The following TRIO variants were observed in gnomAD, a reference collection of about 807,000 sequenced individuals.
TRIO encodes the protein trio Rho guanine nucleotide exchange factor, also known as triple functional domain protein.
A neutral mutation model predicts 351.9 loss-of-function variants in TRIO; 58 were observed. That is an observed-to-expected ratio of 0.16 (90% CI 0.13 to 0.21). TRIO has a LOEUF of 0.21. Among genes scored for constraint, TRIO ranks in the 10% least tolerant of loss-of-function variants. The probability of loss-of-function intolerance (pLI) is 1.00; values close to 1 mark genes in which losing one functional copy is unlikely to be tolerated. For synonymous variants in TRIO, 1,758 were observed against 1,595.7 expected (o/e 1.10, Z -2.42); for missense variants, 3,201 against 4,027.8 (o/e 0.79, Z 5.56).
chr5:14,275,866 G>GTATATA lies in TRIO; in HGVS notation c.233-4444_233-4439dup, dbSNP rs56388390. Among the ~76,000 whole-genome samples the GTATATA allele has an allele frequency of 9.8e-3, 1,407 of 143,910 alleles. 11 individuals carry two copies. The highest frequency in any genetic ancestry group is 0.031 in the East Asian group (153 of 4,940). 94.4% of individuals were successfully genotyped at this position (143,910 alleles called of 152,430 possible). ...AAAACACAACTCTGTCTCTATGTGTGTATATATATATATATATGTTTATAT... is the reference window on the plus strand; with the variant it reads ...AAAACACAACTCTGTCTCTATGTGTGTATATATATATATATATATATATGTTTATAT... On this transcript the variant is annotated intron_variant, in intron 2 of 56. Transcript: ENST00000344204.
chr5:14,173,434 A>G (rs1376879566), intron 1 of TRIO, among the ~76,000 whole-genome samples: 3 of 151,508 alleles, frequency 2.0e-5, no homozygotes, highest in Non-Finnish European at 4.4e-5. Context: ...CTCGTCTCCA[A>G]CTCCTGACCT....
At chr5:14,190,844 C>T (rs1790412700) in intron 1 of TRIO, among the ~76,000 whole-genome samples, 1 of 152,148 alleles carries the variant, frequency 6.6e-6, no homozygotes, top group Non-Finnish European at 1.5e-5. Flanking sequence ...CACACACACC[C>T]CTTCATCTGA....
At chr5:14,473,161 G>A (rs372696973) in intron 39 of TRIO, among the ~76,000 whole-genome samples, 2 of 152,190 alleles carry the variant, frequency 1.3e-5, no homozygotes, top group East Asian at 3.8e-4. Context: ...TTGACCAGAA[G>A]TTGCCAAGCA....
Position 14,472,649 on chromosome 5 carries a change from T to C in TRIO, c.5970T>C (p.Tyr1990=), listed in dbSNP as rs1004818156. 2 of 1,613,888 alleles carry C rather than the reference T, an allele frequency of 1.2e-6. No individual in the cohort carries two copies. The highest frequency in any genetic ancestry group is 2.2e-5 in the East Asian group (1 of 44,896). ...TERDYVRDLG[Y]VVEGYMALMK... ...GTGACTATGTGCGGGACCTTGGCTA[T>C]GTGGTTGAGGTGTGTATTGCCAGAA... Residue 1990 remains tyrosine (Y), a synonymous_variant, in exon 39 of 57, where the codon TAT becomes TAC. Transcript: ENST00000344204.
At chr5:14,224,403 A>T (rs2152212780) in intron 1 of TRIO, among the ~76,000 whole-genome samples, 1 of 152,232 alleles carries the variant, frequency 6.6e-6, no homozygotes, top group South Asian at 2.1e-4. Flanking sequence ...AGCTGAGAAG[A>T]TGTAGTTAAG....
chr5:14,304,558 G>T lies in TRIO; in HGVS notation c.1466G>T (p.Gly489Val). 6.2e-7 allele frequency: 1 copy of T among 1,613,964 alleles called. No individual in the cohort carries two copies. Among genetic ancestry groups the T allele is most frequent in the Non-Finnish European group, 8.5e-7 (1 of 1,179,976 alleles). Residue 489 changes from glycine (G) to valine (V), a missense_variant, in exon 8 of 57, where the codon GGA becomes GTA. This residue lies in a region of TRIO where 349 missense variants were observed against 449.3 expected (regional missense o/e 0.78). Coordinates refer to ENST00000344204, the MANE Select transcript of TRIO (RefSeq NM_007118.4). ...GAAGATGCCATTCATCACCACCAGG[G>T]AATATATGAACATATCACTCTTGCT... is the stretch of plus-strand genomic sequence containing the variant. Reference protein sequence around the residue: ...DLEDAIHHHQGIYEHITLAYS... With the variant: ...DLEDAIHHHQVIYEHITLAYS...
chr5:14,344,784 C>G (rs1041001400), intron 11 of TRIO, among the ~76,000 whole-genome samples: 1 of 152,182 alleles, frequency 6.6e-6, no homozygotes, highest in Admixed American at 6.5e-5. Flanking sequence ...TGATCCTATT[C>G]TTAACATCAA....
At chr5:14,457,602 C>T (rs1360142256) in intron 34 of TRIO, among the ~76,000 whole-genome samples, 2 of 152,080 alleles carry the variant, frequency 1.3e-5, no homozygotes, top group African/African-American at 4.8e-5. Context: ...GCTCCTTTCC[C>T]AGGCAAGGCT....
At chr5:14,214,458 C>T (rs1792104607) in intron 1 of TRIO, among the ~76,000 whole-genome samples, 1 of 152,174 alleles carries the variant, frequency 6.6e-6, no homozygotes, top group South Asian at 2.1e-4. Flanking sequence ...TTCCTTACCA[C>T]CTGTTTTCTG....
intron 34 of TRIO, among the ~76,000 whole-genome samples, chr5:14,428,491 A>G (rs1750830168): frequency 6.6e-6 from 1 of 152,198 alleles, no homozygotes; most frequent in Non-Finnish European, 1.5e-5. Context: ...TTACACCAAG[A>G]ATTTTAAAAC....
At chr5:14,430,216 CAAAAA>C (rs139833933) in intron 34 of TRIO, among the ~76,000 whole-genome samples, 1 of 118,540 alleles carries the variant, frequency 8.4e-6, no homozygotes, top group African/African-American at 3.1e-5. Context: ...ACCCAAATAG[CAAAAA>C]AAAAAAAAAA....
intron 1 of TRIO, among the ~76,000 whole-genome samples, chr5:14,251,916 C>T (rs1286384288): frequency 1.3e-5 from 2 of 148,450 alleles, no homozygotes; most frequent in African/African-American, 2.5e-5. Flanking sequence ...TACATTTGAC[C>T]AACTTTTGAA....
intron 48 of TRIO, among the ~76,000 whole-genome samples, chr5:14,491,606 A>G (rs1756492013): frequency 6.6e-6 from 1 of 152,176 alleles, no homozygotes; most frequent in Non-Finnish European, 1.5e-5. Flanking sequence ...GTTTCTTCTC[A>G]GGAGCTAACA....
intron 1 of TRIO, among the ~76,000 whole-genome samples, chr5:14,216,142 T>C (rs1318932047): frequency 6.6e-6 from 1 of 152,234 alleles, no homozygotes; most frequent in African/African-American, 2.4e-5. Context: ...CAGATTGTGA[T>C]GGGGACTCAT....
chr5:14,267,081 T>C (rs1034119938), intron 1 of TRIO, among the ~76,000 whole-genome samples: 23 of 152,234 alleles, frequency 1.5e-4, no homozygotes, highest in African/African-American at 5.3e-4. Context: ...ATATGGGCTC[T>C]ATATAACTTA....
intron 9 of TRIO, among the ~76,000 whole-genome samples, chr5:14,317,707 A>G (rs1044702453): frequency 6.6e-6 from 1 of 152,196 alleles, no homozygotes; most frequent in Non-Finnish European, 1.5e-5. Flanking sequence ...AAGACGTTGA[A>G]TGGGCCAGGT....
rs768530064 is a variant in TRIO, at chr5:14,366,883, A to G, written c.2778A>G (p.Gly926=). 1.2e-6 allele frequency: 2 copies of G among 1,614,042 alleles called. No homozygotes were observed. The highest frequency in any genetic ancestry group is 2.7e-5 in the African/African-American group (2 of 74,898). Residue 926 remains glycine, a synonymous_variant, in exon 16 of 57, where the codon GGA becomes GGG. Transcript: ENST00000344204. Reference sequence around the variant, plus strand: ...AGGTGCTGGGTTGGATCCGCAACGGAGAGTCCATGTTAAATGCCGGACTTA... The same window carrying G: ...AGGTGCTGGGTTGGATCCGCAACGGGGAGTCCATGTTAAATGCCGGACTTA... ...VKQVLGWIRN[G]ESMLNAGLIT...
chr5:14,420,061 A>G (rs1336460028), intron 34 of TRIO, 40 bp downstream of exon 34: 1 of 1,597,678 alleles, frequency 6.3e-7, no homozygotes, highest in South Asian at 1.1e-5. Flanking sequence ...CCCCTACTGG[A>G]AGTGGCCCTG....
intron 1 of TRIO, among the ~76,000 whole-genome samples, chr5:14,157,886 C>G (rs1050094854): frequency 6.6e-6 from 1 of 152,144 alleles, no homozygotes; most frequent in South Asian, 2.1e-4. Context: ...CTGCACCCAG[C>G]CTGTTCTGTG....
Sources: gnomAD v4.1 joint callset for allele counts (sites outside exome capture counted in the v4.1 genomes callset) on GRCh38, gnomAD v4.1.1 for gene constraint, gnomAD v4.1.1 regional missense constraint, MANE v1.5 for transcripts, NCBI Gene and HGNC (gene_info 2026-07-23, HGNC 2026-07-21) for gene names.